The following P3H2 variants were observed in gnomAD, a reference collection of about 807,000 sequenced individuals.
The protein encoded by P3H2 is leprecan-like 1.
In P3H2, 80 loss-of-function variants were observed where a neutral mutation model predicts 87.0. That is an observed-to-expected ratio of 0.92 (90% CI 0.77 to 1.11). The LOEUF (loss-of-function observed/expected upper bound fraction) is 1.11. P3H2 is among the 50% of genes least tolerant of loss of function. The pLI is 0.00. For missense variants in P3H2, 1,001 were observed against 923.9 expected (o/e 1.08, Z -1.08); for synonymous variants, 367 against 359.3 (o/e 1.02, Z -0.24).
chr3:189,998,419 A>C (rs555032948), intron 1 of P3H2, among the ~76,000 whole-genome samples: 10 of 152,184 alleles, frequency 6.6e-5, no homozygotes, highest in Non-Finnish European at 1.0e-4. Flanking sequence ...TTCTTACTGA[A>C]ATATGTCATG....
At chr3:190,051,628 CAATTT>C (rs1409108903) in intron 1 of P3H2, among the ~76,000 whole-genome samples, 1 of 152,226 alleles carries the variant, frequency 6.6e-6, no homozygotes, top group Non-Finnish European at 1.5e-5. Flanking sequence ...AAATCCTCAA[CAATTT>C]AATTGGAACA....
At chr3:190,034,105 T>A (rs1209228816) in intron 1 of P3H2, among the ~76,000 whole-genome samples, 1 of 152,224 alleles carries the variant, frequency 6.6e-6, no homozygotes, top group Non-Finnish European at 1.5e-5. Context: ...GTAGTTATTG[T>A]GGCAAGATAA....
At chr3:190,109,555 T>C (rs1254209195) in intron 1 of P3H2, among the ~76,000 whole-genome samples, 2 of 152,336 alleles carry the variant, frequency 1.3e-5, no homozygotes, top group East Asian at 3.9e-4. Flanking sequence ...TTAGTTTGTA[T>C]TGTTAAAGCA....
intron 13 of P3H2, among the ~76,000 whole-genome samples, chr3:189,966,044 AAAAG>A (rs796880303): frequency 0.014 from 2,097 of 145,380 alleles, 40 homozygotes; most frequent in African/African-American, 0.038. Context: ...AGAAAGAAAG[AAAAG>A]AAAGAAAGAA....
At chr3:190,005,456 C>G (rs116027979) in intron 1 of P3H2, among the ~76,000 whole-genome samples, 3,363 of 152,238 alleles carry the variant, frequency 0.022, 137 homozygotes, top group African/African-American at 0.077. Context: ...TTTGAGGAGG[C>G]TTTTAGGGTT....
chr3:189,959,486 ATGAG>A (rs1237829228), intron 14 of P3H2, among the ~76,000 whole-genome samples: 2 of 139,386 alleles, frequency 1.4e-5, no homozygotes, highest in Non-Finnish European at 3.0e-5. Flanking sequence ...ATTCCCACCT[ATGAG>A]TGAGAATATG....
intron 9 of P3H2, 83 bp downstream of exon 9, chr3:189,974,475 C>A (rs1310839646): frequency 1.0e-5 from 16 of 1,565,080 alleles, no homozygotes; most frequent in Non-Finnish European, 1.3e-5. Context: ...TGTTGTCTGG[C>A]TCCAGATGAG....
Position 190,066,158 on chromosome 3 carries a change from T to TATATATATATATACACACAC in P3H2, c.480+54093_480+54094insGTGTGTGTATATATATATAT, listed in dbSNP as rs1256956930. ...ACTGTGGTGTGTATATATATATATATACACACACACACACACACACATATA... is the reference window on the plus strand; with the variant it reads ...ACTGTGGTGTGTATATATATATATATATATATATATATACACACACACACACACACACACACACACATATA... On this transcript the variant is annotated intron_variant, in intron 1 of 14. Transcript: ENST00000319332. Among the ~76,000 whole-genome samples, 232 of 134,602 alleles carry TATATATATATATACACACAC rather than the reference T, an allele frequency of 1.7e-3. 3 individuals carry two copies. Among genetic ancestry groups the TATATATATATATACACACAC allele is most frequent in the African/African-American group, 6.8e-3 (219 of 32,212 alleles). The allele number at this position is 134,602 out of a possible 152,430, so 88.3% of individuals were successfully genotyped here. A position where few individuals can be genotyped will look rare whatever the true frequency, so the allele number is the denominator to read the frequency against.
intron 14 of P3H2, among the ~76,000 whole-genome samples, chr3:189,958,645 C>T (rs894692803): frequency 6.6e-6 from 1 of 151,936 alleles, no homozygotes; most frequent in Non-Finnish European, 1.5e-5. Context: ...AACAACCTCC[C>T]CCACCAACCC....
chr3:189,963,405 A>G (rs539140319), intron 14 of P3H2: 1 of 155,552 alleles, frequency 6.4e-6, no homozygotes, highest in South Asian at 2.0e-4. Flanking sequence ...CTGGGTGACC[A>G]ATAAAAAGTG....
chr3:190,011,018 A>T (rs893942737), intron 1 of P3H2, among the ~76,000 whole-genome samples: 1 of 152,032 alleles, frequency 6.6e-6, no homozygotes, highest in African/African-American at 2.4e-5. Flanking sequence ...TTAAGAAAAA[A>T]TATAGTTCCT....
intron 1 of P3H2, among the ~76,000 whole-genome samples, chr3:190,112,442 T>C (rs838693): frequency 0.34 from 52,408 of 152,044 alleles, 9,869 homozygotes; most frequent in African/African-American, 0.51. Context: ...AAAGTAGATA[T>C]CTATGACGGT....
In P3H2 at chr3:189,964,088, T is replaced by G. The variant is rs748057759; in HGVS notation, c.1904A>C (p.Lys635Thr). ...MDAKTVTASI[K>T]PKCGRMISFS... is the part of the protein sequence containing the mutation. ...GCTGATCATGCGCCCACATTTTGGT[T>G]TTATAGAGGCCTGAGAAAGAAAGCA... Residue 635 changes from lysine (K) to threonine (T), a missense_variant, in exon 14 of 15, where the codon AAA (lysine) becomes ACA (threonine). By Grantham distance (78) the Lys-to-Thr change is moderately conservative (BLOSUM62 -1). Transcript: ENST00000319332. 22 of 1,614,040 alleles carry G rather than the reference T, an allele frequency of 1.4e-5. No individual in the cohort carries two copies. In the East Asian group the frequency reaches 4.7e-4, roughly 34 times the overall value.
At chr3:190,112,485 T>C (rs838694) in intron 1 of P3H2, among the ~76,000 whole-genome samples, 22,853 of 152,184 alleles carry the variant, frequency 0.15, 1,783 homozygotes, top group Non-Finnish European at 0.17. Context: ...CAATGGCTTT[T>C]ATTTTAATAC....
chr3:190,105,293 T>A (rs1711787493), intron 1 of P3H2, among the ~76,000 whole-genome samples: 3 of 152,216 alleles, frequency 2.0e-5, no homozygotes, highest in Admixed American at 2.0e-4. Context: ...TAATTTCTGT[T>A]ATTTGGTCCT....
intron 1 of P3H2, among the ~76,000 whole-genome samples, chr3:190,052,687 GTGTA>G (rs761296287): frequency 1.3e-5 from 2 of 151,120 alleles, no homozygotes; most frequent in Admixed American, 6.6e-5. Flanking sequence ...ATGTGTGTGT[GTGTA>G]TATATATATA....
At position 190,060,750 on chromosome 3, in the gene P3H2, G is replaced by A. The variant is rs570840538; in HGVS notation, c.480+59502C>T. 2.8e-3 allele frequency among the ~76,000 whole-genome samples: 426 copies of A among 152,120 alleles called. 3 individuals are homozygous for A. Among genetic ancestry groups the A allele is most frequent in the African/African-American group, 9.9e-3 (409 of 41,500 alleles). On this transcript the variant is annotated intron_variant, in intron 1 of 14. Coordinates refer to ENST00000319332, the MANE Select transcript of P3H2 (RefSeq NM_018192.4). Reference sequence around the variant, plus strand: ...CACTGTCTCATAAATGGATAAAGATGCTTAAAAGAACTTCTGAGAATAAAA... The same window carrying A: ...CACTGTCTCATAAATGGATAAAGATACTTAAAAGAACTTCTGAGAATAAAA...
chr3:189,987,833 A>G, intron 4 of P3H2, 164 bp from the exon 5 acceptor site: 1 of 766,134 alleles, frequency 1.3e-6, no homozygotes. Flanking sequence ...AGATAAAAGG[A>G]AAGACATGAT....
rs1723969063 is a variant in P3H2 at position 189,994,199 on chromosome 3, A to G, written c.718T>C (p.Tyr240His). The change falls in exon 3 of 15, where the codon TAT becomes CAT. Residue 240 changes from tyrosine to histidine, a missense_variant. Physicochemically the swap from Tyr to His is moderately conservative, Grantham distance 83. Transcript: ENST00000319332. ...IRHFEQALREYFVEDTECRTL... is the reference protein window; with the variant it reads ...IRHFEQALREHFVEDTECRTL... ...CGGCATTCTGTATCTTCAACGAAAT[A>G]TTCTCTTAAGGCTTGTTCGAAGTGC... 1 of 1,613,738 alleles carries G rather than the reference A, an allele frequency of 6.2e-7. No individual in the cohort carries two copies. Among genetic ancestry groups the G allele is most frequent in the South Asian group, 1.1e-5 (1 of 91,058 alleles).
Sources: gnomAD v4.1 joint callset for allele counts (sites outside exome capture counted in the v4.1 genomes callset) on GRCh38, gnomAD v4.1.1 for gene constraint, MANE v1.5 for transcripts, NCBI Gene and HGNC (gene_info 2026-07-23, HGNC 2026-07-21) for gene names.